Variants in UGT1A9 observed in about 807,000 individuals in gnomAD.
UGT1A9 encodes the protein UDP glucuronosyltransferase family 1 member A9, also known as UDP-glucuronosyltransferase 1A9.
In UGT1A9, 35 loss-of-function variants were observed where a neutral mutation model predicts 45.0. The ratio of observed to expected loss-of-function variants is 0.78; its 90% CI spans 0.59 to 1.03. The LOEUF is 1.03. Among genes scored for constraint, UGT1A9 ranks in the 50% least tolerant of loss-of-function variants. The probability of loss-of-function intolerance (pLI) is 0.00; values close to 1 mark genes in which losing one functional copy is unlikely to be tolerated. For missense variants in UGT1A9, 687 were observed against 666.6 expected, an observed-to-expected ratio of 1.03 and a Z score of -0.34; for synonymous variants, 278 against 250.6, an observed-to-expected ratio of 1.11 and a Z score of -1.03.
intron 1 of UGT1A9, among the ~76,000 whole-genome samples, chr2:233,746,063 AAG>A (rs1693290242): frequency 6.6e-6 from 1 of 151,770 alleles, no homozygotes. Flanking sequence ...CTAGAACGAA[AAG>A]AGAAGAGGAG....
intron 4 of UGT1A9, 99 bp downstream of exon 4, chr2:233,768,538 C>T: frequency 1.5e-6 from 2 of 1,345,412 alleles, no homozygotes; most frequent in South Asian, 1.4e-5. Context: ...AGCGTTGTTT[C>T]AAATATAAAA....
chr2:233,678,504 A>G (rs1290179330), intron 1 of UGT1A9, among the ~76,000 whole-genome samples: 1 of 152,144 alleles, frequency 6.6e-6, no homozygotes, highest in Non-Finnish European at 1.5e-5. Flanking sequence ...ATGGAAATAC[A>G]TCATAATTAC....
chr2:233,719,247 G>T, intron 1 of UGT1A9: 1 of 1,614,186 alleles, frequency 6.2e-7, no homozygotes, highest in African/African-American at 1.3e-5. Context: ...GCACCTGAAT[G>T]CTACTTCCTT....
intron 1 of UGT1A9, chr2:233,753,510 T>G (rs1695226530): frequency 6.6e-6 from 1 of 152,246 alleles, no homozygotes; most frequent in Non-Finnish European, 1.5e-5. Context: ...GCCTGTCTAG[T>G]TGTTGCCCTT....
intron 1 of UGT1A9, among the ~76,000 whole-genome samples, chr2:233,756,653 T>C (rs1696281522): frequency 6.6e-6 from 1 of 152,220 alleles, no homozygotes; most frequent in South Asian, 2.1e-4. Flanking sequence ...AAACATGGGA[T>C]GCAGTGATTA....
chr2:233,682,460 C>T (rs774646173), intron 1 of UGT1A9: 1 of 1,613,832 alleles, frequency 6.2e-7, no homozygotes, highest in South Asian at 1.1e-5. Context: ...AATATTTTGC[C>T]ACTATCTTGA....
At chr2:233,744,741 C>G (rs1692905246) in intron 1 of UGT1A9, among the ~76,000 whole-genome samples, 1 of 151,836 alleles carries the variant, frequency 6.6e-6, no homozygotes, top group South Asian at 2.1e-4. Context: ...AATCAAGTAG[C>G]ATTATTATGG....
At chr2:233,685,409 A>G (rs28898571) in intron 1 of UGT1A9, among the ~76,000 whole-genome samples, 2,771 of 152,310 alleles carry the variant, frequency 0.018, 88 homozygotes, top group African/African-American at 0.063. Context: ...AGCAGAATTG[A>G]TGGTTGAATC....
chr2:233,682,875 T>A, intron 1 of UGT1A9: 2 of 1,520,762 alleles, frequency 1.3e-6, no homozygotes, highest in Non-Finnish European at 1.8e-6. Context: ...AATTTATCAT[T>A]TACATTTGTC....
intron 1 of UGT1A9, among the ~76,000 whole-genome samples, chr2:233,744,558 A>G (rs1559389162): frequency 6.6e-6 from 1 of 151,960 alleles, no homozygotes; most frequent in Non-Finnish European, 1.5e-5. Flanking sequence ...GACAAAATGT[A>G]GTGAGAAGAG....
In UGT1A9 at chr2:233,767,158, C is replaced by T; in HGVS notation, c.980C>T (p.Pro327Leu). ...MAIADALGKI[P>L]QTVLWRYTGT... Reference sequence around the variant, plus strand: ...ATTGCTGATGCTTTGGGCAAAATCCCTCAGACAGTAAGAAGATTCTATACC... The same window carrying T: ...ATTGCTGATGCTTTGGGCAAAATCCTTCAGACAGTAAGAAGATTCTATACC... Residue 327 changes from proline to leucine, a missense_variant, in exon 2 of 5, where the codon CCT (proline) becomes CTT (leucine). Transcript: ENST00000354728. The T allele has an allele frequency of 6.2e-7, 1 of 1,614,062 alleles. No individual in the cohort carries two copies. Among genetic ancestry groups the T allele is most frequent in the Non-Finnish European group, 8.5e-7 (1 of 1,179,998 alleles).
In UGT1A9 at chr2:233,767,087, T is replaced by A; in HGVS notation, c.909T>A (p.Ser303=). 1 of 1,614,180 alleles carries A rather than the reference T, an allele frequency of 6.2e-7. No homozygotes were observed. The highest frequency in any genetic ancestry group is 8.5e-7 in the Non-Finnish European group (1 of 1,180,034). The change falls in exon 2 of 5, where the codon TCT becomes TCA. Residue 303 remains serine, a synonymous_variant. Coordinates refer to ENST00000354728, the MANE Select transcript of UGT1A9 (RefSeq NM_021027.3). ...GAGAACATGGAATTGTGGTTTTCTC[T>A]TTGGGATCAATGGTCTCAGAAATTC... is the stretch of plus-strand genomic sequence containing the variant. The part of the protein sequence containing the change: ...ASGEHGIVVF[S]LGSMVSEIPE...
At chr2:233,695,725 A>T (rs148542326) in intron 1 of UGT1A9, among the ~76,000 whole-genome samples, 100 of 152,204 alleles carry the variant, frequency 6.6e-4, no homozygotes, top group African/African-American at 2.2e-3. Flanking sequence ...TTCCAGTTAC[A>T]TTTATGTTGC....
At chr2:233,680,544 G>T (rs10197460) in intron 1 of UGT1A9, among the ~76,000 whole-genome samples, 51,748 of 151,856 alleles carry the variant, frequency 0.34, 9,226 homozygotes, top group South Asian at 0.41. Flanking sequence ...AATCCCTCAC[G>T]AAATGCTCCT....
At chr2:233,744,192 A>C (rs1389532681) in intron 1 of UGT1A9, among the ~76,000 whole-genome samples, 1 of 151,842 alleles carries the variant, frequency 6.6e-6, no homozygotes, top group East Asian at 1.9e-4. Flanking sequence ...CATGGTCTCC[A>C]AAAAGGATGG....
intron 1 of UGT1A9, chr2:233,760,122 C>T (rs535497865): frequency 2.2e-4 from 285 of 1,291,908 alleles, no homozygotes; most frequent in Non-Finnish European, 2.8e-4. Context: ...TAATAAAGCT[C>T]CACCTTCTTT....
chr2:233,713,465 G>T lies in UGT1A9; in HGVS notation c.855+40676G>T, dbSNP rs147117995. ...TAACAGACCCCTTTCACCTCTGCGCGGCGGTGCTGGCTAAGTACCTGTCGA... is the reference window on the plus strand; with the variant it reads ...TAACAGACCCCTTTCACCTCTGCGCTGCGGTGCTGGCTAAGTACCTGTCGA... On this transcript the variant is annotated intron_variant, in intron 1 of 4. Transcript: ENST00000354728. 3.1e-6 allele frequency: 5 copies of T among 1,613,916 alleles called. No homozygotes were observed. In the African/African-American group the frequency reaches 5.3e-5, roughly 17 times the overall value.
Position 233,769,314 on chromosome 2 carries a change from T to A in UGT1A9, c.1295+875T>A, listed in dbSNP as rs551966060. Among the ~76,000 whole-genome samples, 1 of 152,360 alleles carries A rather than the reference T, an allele frequency of 6.6e-6. No individual in the cohort carries two copies. The highest frequency in any genetic ancestry group is 2.1e-4 in the South Asian group (1 of 4,826). ...TAAAGTTAGTATATTACTGTCAAGC[T>A]CACTGGTAATAGGCTTATTAGAACC... is the stretch of plus-strand genomic sequence containing the variant. On this transcript the variant is annotated intron_variant, in intron 4 of 4. Coordinates refer to ENST00000354728, the MANE Select transcript of UGT1A9 (RefSeq NM_021027.3). This position sits in a 1 kb window ranked among gnomAD's most constrained non-coding sequence, Gnocchi z 4.4.
At chr2:233,684,037 C>G (rs45511895) in intron 1 of UGT1A9, among the ~76,000 whole-genome samples, 49 of 152,226 alleles carry the variant, frequency 3.2e-4, no homozygotes, top group African/African-American at 1.1e-3. Flanking sequence ...GTTGCTAAAT[C>G]CAGGTGAAAC....
Sources: allele counts gnomAD v4.1 joint callset (sites outside exome capture counted in the v4.1 genomes callset), GRCh38; gene constraint gnomAD v4.1.1; non-coding constraint Gnocchi (gnomAD v3.1); transcripts MANE v1.5; gene names NCBI Gene and HGNC (gene_info 2026-07-23, HGNC 2026-07-21).